Variants in PCDH11X observed in about 807,000 individuals in gnomAD.
The protein encoded by PCDH11X is protocadherin-11 X-linked.
Under a neutral mutation model 53.3 loss-of-function variants are expected in PCDH11X, and 18 were observed. That is an observed-to-expected ratio of 0.34 (90% CI 0.23 to 0.50). The LOEUF (loss-of-function observed/expected upper bound fraction) is 0.50, where lower values mean the gene tolerates loss of function less well. Among genes scored for constraint, PCDH11X ranks in the 20% least tolerant of loss-of-function variants. The probability of loss-of-function intolerance (pLI) is 0.98; values close to 1 mark genes in which losing one functional copy is unlikely to be tolerated. For synonymous variants in PCDH11X, 279 were observed against 393.3 expected (o/e 0.71, Z 3.44); for missense variants, 570 against 1,032.4 (o/e 0.55, Z 6.14).
chrX:91,960,265 T>A (rs1602567172), intron 6 of PCDH11X, among the ~76,000 whole-genome samples: 1 of 110,709 alleles, frequency 9.0e-6, no homozygotes, highest in African/African-American at 3.3e-5. Context: ...TGTATAAGCT[T>A]TTTAGTTTAA....
chrX:92,118,113 T>C (rs1259219733), intron 6 of PCDH11X, among the ~76,000 whole-genome samples: 1 of 111,484 alleles, frequency 9.0e-6, no homozygotes, highest in East Asian at 2.8e-4. Flanking sequence ...ATGCAGGTAG[T>C]TGGCAGCCAC....
chrX:91,905,562 A>G (rs1301825491), intron 6 of PCDH11X, among the ~76,000 whole-genome samples: 1 of 111,631 alleles, frequency 9.0e-6, no homozygotes, highest in Non-Finnish European at 1.9e-5. Context: ...CTTTTTGTAT[A>G]AAAGTAATTT....
intron 6 of PCDH11X, among the ~76,000 whole-genome samples, chrX:92,027,153 A>G (rs1309318644): frequency 8.9e-6 from 1 of 111,843 alleles, no homozygotes; most frequent in Non-Finnish European, 1.9e-5. Flanking sequence ...TGTATGACAC[A>G]TATAATGTGC....
chrX:92,248,654 A>G (rs2148394732), intron 7 of PCDH11X, among the ~76,000 whole-genome samples: 1 of 111,787 alleles, frequency 8.9e-6, no homozygotes, highest in Middle Eastern at 4.7e-3. Flanking sequence ...CTACTGTGCT[A>G]TCAAACATAG....
intron 6 of PCDH11X, among the ~76,000 whole-genome samples, chrX:92,087,371 C>T (rs1393379063): frequency 9.2e-6 from 1 of 108,789 alleles, no homozygotes; most frequent in East Asian, 2.9e-4. Context: ...GGATTACAGG[C>T]GTGAGCCACC....
intron 6 of PCDH11X, among the ~76,000 whole-genome samples, chrX:92,191,373 C>T (rs1461671943): frequency 1.8e-5 from 2 of 111,667 alleles, no homozygotes; most frequent in Non-Finnish European, 3.8e-5. Context: ...ATTCAAGTTC[C>T]CAGATAATTG....
At chrX:92,262,525 A>T (rs772989295) in intron 7 of PCDH11X, among the ~76,000 whole-genome samples, 2 of 111,675 alleles carry the variant, frequency 1.8e-5, no homozygotes, top group African/African-American at 6.5e-5. Context: ...AATGAAAAGA[A>T]TGACTTCCGT....
At chrX:91,795,728 T>C (rs2563557) in intron 1 of PCDH11X, among the ~76,000 whole-genome samples, 1 of 111,729 alleles carries the variant, frequency 9.0e-6, no homozygotes, top group Non-Finnish European at 1.9e-5. Flanking sequence ...ACTATAATAC[T>C]TTACTGCAAC....
At chrX:92,405,006 AT>A (rs2071477009) in intron 9 of PCDH11X, among the ~76,000 whole-genome samples, 1 of 93,040 alleles carries the variant, frequency 1.1e-5, no homozygotes, top group Non-Finnish European at 2.0e-5. Context: ...CATATTCTAT[AT>A]TTATTTTGTT....
At chrX:91,903,038 G>A (rs755553861) in intron 6 of PCDH11X, among the ~76,000 whole-genome samples, 39 of 111,514 alleles carry the variant, frequency 3.5e-4, no homozygotes, top group African/African-American at 1.3e-3. Flanking sequence ...CACTTATGGG[G>A]AAAATGGAGC....
chrX:92,475,143 C>T (rs7065419), intron 10 of PCDH11X, among the ~76,000 whole-genome samples: 1,047 of 74,142 alleles, frequency 0.014, 25 homozygotes, highest in African/African-American at 0.058. Context: ...CCAGCCTGGG[C>T]GACAGAGCGA....
At chrX:91,981,330 T>C (rs1269033381) in intron 6 of PCDH11X, among the ~76,000 whole-genome samples, 1 of 109,769 alleles carries the variant, frequency 9.1e-6, no homozygotes, top group Non-Finnish European at 1.9e-5. Context: ...ATCTGGGCTA[T>C]GTTTTCAATT....
At chrX:92,013,825 G>A (rs1266772850) in intron 6 of PCDH11X, among the ~76,000 whole-genome samples, 1 of 111,732 alleles carries the variant, frequency 8.9e-6, no homozygotes, top group African/African-American at 3.3e-5. Context: ...AAACTGGCTA[G>A]CCATACGTAG....
chrX:92,119,628 G>C (rs1425934506), intron 6 of PCDH11X, among the ~76,000 whole-genome samples: 1 of 111,384 alleles, frequency 9.0e-6, no homozygotes, highest in East Asian at 2.8e-4. Flanking sequence ...AAACTTATTA[G>C]TAATAAAACC....
intron 6 of PCDH11X, among the ~76,000 whole-genome samples, chrX:91,906,266 T>C (rs761919247): frequency 8.2e-4 from 92 of 111,783 alleles, no homozygotes; most frequent in Non-Finnish European, 1.3e-3. Flanking sequence ...ATATGGGCAG[T>C]GAAACAAATA....
chrX:92,288,474 C>A (rs1441543431), intron 8 of PCDH11X, among the ~76,000 whole-genome samples: 1 of 107,244 alleles, frequency 9.3e-6, no homozygotes, highest in Non-Finnish European at 1.9e-5. Flanking sequence ...CGGGTTCAAG[C>A]GATTCTCCTG....
chrX:92,383,321 GT>G (rs34013943), intron 8 of PCDH11X, among the ~76,000 whole-genome samples: 11,437 of 72,410 alleles, frequency 0.16, 548 homozygotes, highest in African/African-American at 0.19. Context: ...GTAGATAAAT[GT>G]TTTTTTTTTT....
intron 6 of PCDH11X, among the ~76,000 whole-genome samples, chrX:92,111,249 A>AAAAAAAAAAAAAAC (rs1260359408): frequency 9.7e-6 from 1 of 103,524 alleles, no homozygotes; most frequent in Non-Finnish European, 1.9e-5. Context: ...AAAAAAAAAA[A>AAAAAAAAAAAAAAC]AATCAGCGTC....
intron 6 of PCDH11X, among the ~76,000 whole-genome samples, chrX:92,010,288 G>A (rs954024532): frequency 3.7e-5 from 4 of 109,284 alleles, no homozygotes; most frequent in Admixed American, 3.0e-4. Flanking sequence ...AAAATAGATA[G>A]CATCTAAGTT....
Sources: gnomAD v4.1 joint callset for allele counts (sites outside exome capture counted in the v4.1 genomes callset) on GRCh38, gnomAD v4.1.1 for gene constraint, MANE v1.5 for transcripts, NCBI Gene and HGNC (gene_info 2026-07-23, HGNC 2026-07-21) for gene names.